The following CECR2 variants were observed in gnomAD, a reference collection of about 807,000 sequenced individuals.
The protein encoded by CECR2 is CECR2 histone acetyl-lysine reader.
CECR2 carries 30 observed loss-of-function variants against 154.5 expected under a neutral mutation model. The observed-to-expected ratio is 0.19, with a 90% CI of 0.15 to 0.26. The LOEUF (loss-of-function observed/expected upper bound fraction) is 0.26, where lower values mean the gene tolerates loss of function less well. Ranked by LOEUF, CECR2 falls within the 10% of genes least tolerant of loss-of-function variation. CECR2 has a pLI of 1.00. For missense variants in CECR2, 1,743 were observed against 1,829.3 expected (o/e 0.95, Z 0.86); for synonymous variants, 725 against 683.7 (o/e 1.06, Z -0.94).
chr22:17,503,908 G>A (rs935765607), intron 6 of CECR2, among the ~76,000 whole-genome samples: 8 of 151,974 alleles, frequency 5.3e-5, no homozygotes, highest in East Asian at 1.9e-4. Context: ...TTACCTGGGC[G>A]TGGTGGCAGG....
chr22:17,370,404 G>C (rs2063043912), intron 1 of CECR2, among the ~76,000 whole-genome samples: 1 of 151,442 alleles, frequency 6.6e-6, no homozygotes, highest in Non-Finnish European at 1.5e-5. Context: ...GCTCTGGCGG[G>C]CGGGCGCGTG....
chr22:17,480,204 A>G (rs1031390931), intron 2 of CECR2, among the ~76,000 whole-genome samples: 1 of 151,998 alleles, frequency 6.6e-6, no homozygotes, highest in African/African-American at 2.4e-5. Flanking sequence ...CAGTGTTAAT[A>G]CTGATGTCTG....
At chr22:17,393,883 T>C (rs536213324) in intron 1 of CECR2, among the ~76,000 whole-genome samples, 35 of 144,510 alleles carry the variant, frequency 2.4e-4, no homozygotes, top group Admixed American at 1.8e-3. Flanking sequence ...AGTTCTTTTT[T>C]ATTCATTTTT....
intron 1 of CECR2, among the ~76,000 whole-genome samples, chr22:17,391,950 C>T (rs977235542): frequency 2.0e-5 from 3 of 152,006 alleles, no homozygotes; most frequent in African/African-American, 4.8e-5. Context: ...TACAGGCATG[C>T]GCCACCACAC....
At chr22:17,516,201 A>G (rs2056050549) in intron 8 of CECR2, among the ~76,000 whole-genome samples, 1 of 152,140 alleles carries the variant, frequency 6.6e-6, no homozygotes, top group African/African-American at 2.4e-5. Context: ...TGATCAAAAT[A>G]TAGAGATATA....
At chr22:17,511,751 C>T in intron 7 of CECR2, 62 bp from the exon 8 acceptor site, 1 of 1,391,908 alleles carries the variant, frequency 7.2e-7, no homozygotes, top group Non-Finnish European at 1.0e-6. Flanking sequence ...GCAGCAGCAG[C>T]ATCAGTAGTT....
chr22:17,364,446 T>TA (rs2062991637), intron 1 of CECR2, among the ~76,000 whole-genome samples: 1 of 151,720 alleles, frequency 6.6e-6, no homozygotes, highest in Non-Finnish European at 1.5e-5. Flanking sequence ...CCTGGTCCAA[T>TA]TTGATTCTGG....
chr22:17,404,585 G>A (rs1255198959), intron 1 of CECR2, among the ~76,000 whole-genome samples: 2 of 136,432 alleles, frequency 1.5e-5, no homozygotes, highest in Non-Finnish European at 3.1e-5. Flanking sequence ...GTTTTAGCCG[G>A]GATGGTCTCG....
intron 1 of CECR2, among the ~76,000 whole-genome samples, chr22:17,401,584 T>C (rs1014682874): frequency 1.3e-5 from 2 of 151,548 alleles, no homozygotes; most frequent in African/African-American, 4.9e-5. Context: ...CTTTTGATGT[T>C]GTTCCTGTTC....
intron 1 of CECR2, among the ~76,000 whole-genome samples, chr22:17,447,033 C>CTGTTTTTGTTTTTTTTTTTTTTTTT (rs1339121774): frequency 8.8e-6 from 1 of 114,110 alleles, no homozygotes; most frequent in African/African-American, 3.8e-5. Flanking sequence ...CGTTTACAAT[C>CTGTTTTTGTTTTTTTTTTTTTTTTT]TTTTTTTTTT....
intron 1 of CECR2, among the ~76,000 whole-genome samples, chr22:17,382,121 A>G (rs982680548): frequency 1.3e-4 from 20 of 150,824 alleles, no homozygotes; most frequent in Non-Finnish European, 2.4e-4. Flanking sequence ...TGATCTCCTG[A>G]CCTTGTGATC....
At position 17,540,434 on chromosome 22, in the gene CECR2, T is replaced by C. The variant is rs1289080843; in HGVS notation, c.1518T>C (p.Asn506=). 1 of 1,558,362 alleles carries C rather than the reference T, an allele frequency of 6.4e-7. No homozygotes were observed. The highest frequency in any genetic ancestry group is 8.7e-7 in the Non-Finnish European group (1 of 1,151,024). Reference sequence around the variant, plus strand: ...TAGAGTATACCAAGATGTCTGATAATTTAGAGAGGTGTTTCCATCGGGCAA... The same window carrying C: ...TAGAGTATACCAAGATGTCTGATAACTTAGAGAGGTGTTTCCATCGGGCAA... ...ESSEYTKMSD[N]LERCFHRAMM... Residue 506 remains asparagine, a synonymous_variant, in exon 14 of 19, where the codon AAT becomes AAC. Transcript: ENST00000262608.
At chr22:17,447,688 T>TG (rs1555910632) in intron 1 of CECR2, among the ~76,000 whole-genome samples, 1 of 141,866 alleles carries the variant, frequency 7.0e-6, no homozygotes, top group East Asian at 2.1e-4. Context: ...TCGGGGGCGG[T>TG]GGGGGGCTTT....
rs921386535 is a variant in CECR2 at position 17,546,354 on chromosome 22, C to T, written c.2861-1794C>T. ...TACAAAAAATTAGCCAGCATGGTGTCGGGCGCCTGTAGTCCCAGCTACTCC... is the reference window on the plus strand; with the variant it reads ...TACAAAAAATTAGCCAGCATGGTGTTGGGCGCCTGTAGTCCCAGCTACTCC... On this transcript the variant is annotated intron_variant, in intron 16 of 18. Transcript: ENST00000262608. Among the ~76,000 whole-genome samples the T allele has an allele frequency of 5.3e-5, 8 of 151,896 alleles. 1 individual carries two copies. In the Middle Eastern group the frequency reaches 0.014, roughly 258 times the overall value.
In CECR2 at chr22:17,481,049, T is replaced by TAAAAAAAAAAAAAAAAAAAAAAAA. The variant is rs572712907; in HGVS notation, c.221+3379_221+3380insAAAAAAAAAAAAAAAAAAAAAAAA. On this transcript the variant is annotated intron_variant, in intron 2 of 18. Coordinates refer to ENST00000262608, the MANE Select transcript of CECR2 (RefSeq NM_001290047.2). ...AGTGAGACTCCATCTCTTTTTTTTT[T>TAAAAAAAAAAAAAAAAAAAAAAAA]AAAAAAAAAAAAGGCCGGGCACGGT... Among the ~76,000 whole-genome samples the TAAAAAAAAAAAAAAAAAAAAAAAA allele has an allele frequency of 5.6e-3, 513 of 91,882 alleles. 43 individuals are homozygous for TAAAAAAAAAAAAAAAAAAAAAAAA. The highest frequency in any genetic ancestry group is 8.5e-3 in the Non-Finnish European group (354 of 41,620). The allele number at this position is 91,882 out of a possible 152,430, so 60.3% of individuals were successfully genotyped here.
intron 1 of CECR2, among the ~76,000 whole-genome samples, chr22:17,388,608 G>A (rs2063291936): frequency 6.6e-6 from 1 of 152,180 alleles, no homozygotes; most frequent in Non-Finnish European, 1.5e-5. Flanking sequence ...ATTTTAGCTA[G>A]TGTCGTGGTA....
In CECR2 at chr22:17,540,546, C is replaced by T. The variant is rs1015830181; in HGVS notation, c.1630C>T (p.Arg544Trp). The T allele has an allele frequency of 3.7e-6, 6 of 1,612,240 alleles. No individual in the cohort carries two copies. Among genetic ancestry groups the T allele is most frequent in the African/African-American group, 2.7e-5 (2 of 74,890 alleles). ...EDEKREKRRS[R>W]AGRSGGSHVW... ...TGAAAAGCGGGAGAAAAGACGGAGT[C>T]GGGCTGGGCGAAGTGGTGGGAGCCA... is the stretch of plus-strand genomic sequence containing the variant. The change falls in exon 14 of 19, where the codon CGG becomes TGG. Residue 544 changes from arginine (R) to tryptophan (W), a missense_variant. This residue lies in a region of CECR2 where 103 missense variants were observed against 166.8 expected (regional missense o/e 0.62). Coordinates refer to ENST00000262608, the MANE Select transcript of CECR2 (RefSeq NM_001290047.2).
chr22:17,420,387 A>G (rs528490925), intron 1 of CECR2, among the ~76,000 whole-genome samples: 3 of 152,292 alleles, frequency 2.0e-5, no homozygotes, highest in Admixed American at 6.5e-5. Flanking sequence ...TGAAAATGCC[A>G]TATTCATTTT....
At chr22:17,394,400 G>T (rs2053777650) in intron 1 of CECR2, among the ~76,000 whole-genome samples, 1 of 151,456 alleles carries the variant, frequency 6.6e-6, no homozygotes, top group Non-Finnish European at 1.5e-5. Context: ...GTAGAGACAG[G>T]GTCTTACTAT....
Sources: allele counts gnomAD v4.1 joint callset (sites outside exome capture counted in the v4.1 genomes callset), GRCh38; gene constraint gnomAD v4.1.1; regional missense constraint gnomAD v4.1.1; transcripts MANE v1.5; gene names NCBI Gene and HGNC (gene_info 2026-07-23, HGNC 2026-07-21).